The following GNAI3 variants were observed in gnomAD, a reference collection of about 807,000 sequenced individuals.
GNAI3 encodes G protein subunit alpha i3, also known as guanine nucleotide-binding protein G(i) subunit alpha-3.
In GNAI3, 12 loss-of-function variants were observed where a neutral mutation model predicts 41.8. That is an observed-to-expected ratio of 0.29 (90% CI 0.18 to 0.47). The LOEUF (loss-of-function observed/expected upper bound fraction) is 0.47, where lower values mean the gene tolerates loss of function less well. Ranked by LOEUF, GNAI3 falls within the 20% of genes least tolerant of loss-of-function variation. The pLI is 1.00. For synonymous variants in GNAI3, 132 were observed against 146.5 expected (o/e 0.90, Z 0.71); for missense variants, 360 against 429.6 (o/e 0.84, Z 1.43).
chr1:109,559,207 A>C (rs1417385343), intron 1 of GNAI3, among the ~76,000 whole-genome samples: 1 of 152,098 alleles, frequency 6.6e-6, no homozygotes, highest in Non-Finnish European at 1.5e-5. Context: ...GAAAAGAAAA[A>C]GAAAAAATGT....
chr1:109,578,366 A>G (rs932673320), intron 3 of GNAI3, among the ~76,000 whole-genome samples: 1 of 149,618 alleles, frequency 6.7e-6, no homozygotes, highest in African/African-American at 2.5e-5. Context: ...GCTACTTGGG[A>G]GGCTGAGGCA....
In GNAI3 at chr1:109,599,750, T is replaced by C. The variant is rs763642191; in HGVS notation, c.*7428T>C. The stretch of plus-strand genomic sequence containing the variant: ...ATTCTATTTTGAGATCTATTTGTCT[T>C]AGCTTGGAGGTGGTTTTGTTAAATG... On this transcript the variant is annotated 3_prime_UTR_variant, in exon 9 of 9. Transcript: ENST00000369851. 12 of 152,224 alleles carry C rather than the reference T, an allele frequency of 7.9e-5. No homozygotes were observed. The highest frequency in any genetic ancestry group is 1.8e-4 in the Non-Finnish European group (12 of 68,044). The allele number at this position is 152,224 out of a possible 1,614,324, so 9.4% of individuals were successfully genotyped here.
intron 7 of GNAI3, among the ~76,000 whole-genome samples, chr1:109,587,819 G>C (rs189433061): frequency 8.9e-4 from 136 of 152,254 alleles, no homozygotes; most frequent in African/African-American, 3.1e-3. Context: ...TAGGGGATTT[G>C]AATTAGTAAG....
Position 109,598,559 on chromosome 1 carries a change from AT to A in GNAI3, c.*6239del. ...ATCCTAAGGCAGCACCAACAAAGGT[AT>A]TCAACGTAGTGGGTGGTCTTTTACA... On this transcript the variant is annotated 3_prime_UTR_variant, in exon 9 of 9. Transcript: ENST00000369851. 1 of 187,140 alleles carries A rather than the reference AT, an allele frequency of 5.3e-6. No homozygotes were observed. The highest frequency in any genetic ancestry group is 9.2e-5 in the South Asian group (1 of 10,872). 11.6% of individuals were successfully genotyped at this position (187,140 alleles called of 1,614,324 possible).
intron 1 of GNAI3, among the ~76,000 whole-genome samples, chr1:109,562,866 A>G (rs1018870858): frequency 6.6e-5 from 10 of 152,304 alleles, no homozygotes; most frequent in Middle Eastern, 3.4e-3. Flanking sequence ...TAGCATTGCA[A>G]TTAACTTTGG....
At chr1:109,574,061 C>T in intron 3 of GNAI3, 24 bp downstream of exon 3, 2 of 1,580,002 alleles carry the variant, frequency 1.3e-6, no homozygotes, top group Non-Finnish European at 1.7e-6. Flanking sequence ...ATTTCCTCTT[C>T]ACTTGCTCTT....
At chr1:109,553,441 A>G (rs1408672993) in intron 1 of GNAI3, among the ~76,000 whole-genome samples, 5 of 152,234 alleles carry the variant, frequency 3.3e-5, no homozygotes. Context: ...CTTAAACTCT[A>G]TATTATACAG....
At chr1:109,577,432 A>G (rs1171681270) in intron 3 of GNAI3, among the ~76,000 whole-genome samples, 1 of 152,036 alleles carries the variant, frequency 6.6e-6, no homozygotes, top group East Asian at 1.9e-4. Flanking sequence ...ACACGCCACC[A>G]TGCCCAGCTA....
intron 1 of GNAI3, among the ~76,000 whole-genome samples, chr1:109,550,487 C>T (rs1046469532): frequency 1.3e-5 from 2 of 152,022 alleles, no homozygotes; most frequent in Non-Finnish European, 2.9e-5. Context: ...AACACTGGTC[C>T]TTGGGGCCTT....
At position 109,592,580 on chromosome 1, in the gene GNAI3, A is replaced by C. The variant is rs184373268; in HGVS notation, c.*258A>C. Reference sequence around the variant, plus strand: ...ACATCACTTGGATTTCTTAATCTTAAATGCTTATGGAAGATGTGAAGTTGA... The same window carrying C: ...ACATCACTTGGATTTCTTAATCTTACATGCTTATGGAAGATGTGAAGTTGA... On this transcript the variant is annotated 3_prime_UTR_variant, in exon 9 of 9. Coordinates refer to ENST00000369851, the MANE Select transcript of GNAI3 (RefSeq NM_006496.4). 59 of 168,298 alleles carry C rather than the reference A, an allele frequency of 3.5e-4. No individual in the cohort carries two copies. The Admixed American group carries it at 3.6e-3, about 10-fold the overall frequency. The allele number at this position is 168,298 out of a possible 1,614,324, so 10.4% of individuals were successfully genotyped here.
intron 1 of GNAI3, among the ~76,000 whole-genome samples, chr1:109,550,251 A>G (rs1346542172): frequency 6.6e-6 from 1 of 152,198 alleles, no homozygotes; most frequent in Non-Finnish European, 1.5e-5. Context: ...TTGGTTGTAG[A>G]TTGCAGAAGC....
chr1:109,575,679 T>A (rs551566), intron 3 of GNAI3, among the ~76,000 whole-genome samples: 1 of 151,482 alleles, frequency 6.6e-6, no homozygotes, highest in African/African-American at 2.4e-5. Context: ...TTACAGGCGC[T>A]CACCTCCACG....
chr1:109,573,645 G>T, intron 1 of GNAI3, 92 bp from the exon 2 acceptor site: 1 of 1,086,528 alleles, frequency 9.2e-7, no homozygotes, highest in Admixed American at 1.9e-5. Context: ...AGGACCCGTG[G>T]TTTTCATCAA....
At position 109,597,967 on chromosome 1, in the gene GNAI3, C is replaced by G. The variant is rs1009551484; in HGVS notation, c.*5645C>G. 2.2e-4 allele frequency: 33 copies of G among 152,176 alleles called. No individual in the cohort carries two copies. Among genetic ancestry groups the G allele is most frequent in the African/African-American group, 8.0e-4 (33 of 41,434 alleles). The allele number at this position is 152,176 out of a possible 1,614,324, so 9.4% of individuals were successfully genotyped here. On this transcript the variant is annotated 3_prime_UTR_variant, in exon 9 of 9. Transcript: ENST00000369851. ...CCCAGTGCTAGTGTTTTCCTGAAAT[C>G]TAGTGAGAATCACAAGGTACCAGAA... is the stretch of plus-strand genomic sequence containing the variant.
At position 109,596,278 on chromosome 1, in the gene GNAI3, T is replaced by C. The variant is rs1166250977; in HGVS notation, c.*3956T>C. On this transcript the variant is annotated 3_prime_UTR_variant, in exon 9 of 9. Coordinates refer to ENST00000369851, the MANE Select transcript of GNAI3 (RefSeq NM_006496.4). ...TTCTCTCCCTCCTTTCCCCCCAGTT[T>C]TCTCAACATTTATGAGTTAGTTCTG... The C allele has an allele frequency of 6.6e-6, 1 of 152,252 alleles. No individual in the cohort carries two copies. Among genetic ancestry groups the C allele is most frequent in the Non-Finnish European group, 1.5e-5 (1 of 68,048 alleles). The allele number at this position is 152,252 out of a possible 1,614,324, so 9.4% of individuals were successfully genotyped here. A position where few individuals can be genotyped will look rare whatever the true frequency, so the allele number is the denominator to read the frequency against.
In GNAI3 at chr1:109,596,466, G is replaced by A. The variant is rs1269290040; in HGVS notation, c.*4144G>A. 3.9e-5 allele frequency: 6 copies of A among 152,314 alleles called. No homozygotes were observed. Among genetic ancestry groups the A allele is most frequent in the Admixed American group, 2.0e-4 (3 of 15,264 alleles). The allele number at this position is 152,314 out of a possible 1,614,324, so 9.4% of individuals were successfully genotyped here. A position where few individuals can be genotyped will look rare whatever the true frequency, so the allele number is the denominator to read the frequency against. ...CCTCTTAGGTTCAAGCGATTCTTGT[G>A]CCTCAGCCTCCCAAGTAGCTGTGAT... On this transcript the variant is annotated 3_prime_UTR_variant, in exon 9 of 9. Coordinates refer to ENST00000369851, the MANE Select transcript of GNAI3 (RefSeq NM_006496.4).
At chr1:109,559,140 T>C (rs1416170396) in intron 1 of GNAI3, among the ~76,000 whole-genome samples, 1 of 150,738 alleles carries the variant, frequency 6.6e-6, no homozygotes, top group Non-Finnish European at 1.5e-5. Context: ...ATTGTGGCAC[T>C]GCACTCCATC....
intron 3 of GNAI3, among the ~76,000 whole-genome samples, chr1:109,576,565 C>T (rs1648747570): frequency 6.6e-6 from 1 of 151,826 alleles, no homozygotes; most frequent in East Asian, 1.9e-4. Flanking sequence ...GTTGCCCAGG[C>T]TGGAGTGCAA....
At chr1:109,554,492 G>A (rs888871212) in intron 1 of GNAI3, among the ~76,000 whole-genome samples, 7 of 151,988 alleles carry the variant, frequency 4.6e-5, no homozygotes, top group South Asian at 2.1e-4. Flanking sequence ...GCATGTTTTC[G>A]TAAGTTTGCT....
Sources: allele counts gnomAD v4.1 joint callset (sites outside exome capture counted in the v4.1 genomes callset), GRCh38; gene constraint gnomAD v4.1.1; transcripts MANE v1.5; gene names NCBI Gene and HGNC (gene_info 2026-07-23, HGNC 2026-07-21).